The following CDC27 variants were observed in gnomAD, a reference collection of about 807,000 sequenced individuals.
CDC27 encodes cell division cycle protein 27 homolog.
A neutral mutation model predicts 109.7 loss-of-function variants in CDC27; 27 were observed. That is an observed-to-expected ratio of 0.25 (90% CI 0.18 to 0.34). CDC27 has a LOEUF of 0.34. Ranked by LOEUF, CDC27 falls within the 10% of genes least tolerant of loss-of-function variation. CDC27 has a pLI of 1.00. For missense variants in CDC27, 579 were observed against 960.2 expected, an observed-to-expected ratio of 0.60 and a Z score of 5.25; for synonymous variants, 266 against 333.9, an observed-to-expected ratio of 0.80 and a Z score of 2.22.
chr17:47,146,907 TA>T (rs997068447), intron 9 of CDC27, among the ~76,000 whole-genome samples: 1 of 150,012 alleles, frequency 6.7e-6, no homozygotes, highest in Non-Finnish European at 1.5e-5. Flanking sequence ...TCTGCAAAAC[TA>T]AAAAAAAATT....
rs749015475 is a variant in CDC27, at chr17:47,137,355, C to G, written c.1710G>C (p.Trp570Cys). The change falls in exon 14 of 19, where the codon TGG (tryptophan) becomes TGC (cysteine). Residue 570 changes from tryptophan (W) to cysteine (C), a missense_variant. Physicochemically the swap from Trp to Cys is radical, Grantham distance 215. Coordinates refer to ENST00000066544, the MANE Select transcript of CDC27 (RefSeq NM_001256.6). ...GACTGAAACAGTTCCCTGCAGCACA[C>G]CAGGCCTTAAAAAAATGGGAACAAA... Reference protein sequence around the residue: ...TDMDKNSPEAWCAAGNCFSLQ... With the variant: ...TDMDKNSPEACCAAGNCFSLQ... The G allele has an allele frequency of 6.4e-7, 1 of 1,550,890 alleles. No individual in the cohort carries two copies. The highest frequency in any genetic ancestry group is 8.7e-7 in the Non-Finnish European group (1 of 1,152,710).
chr17:47,132,780 A>AT, intron 14 of CDC27, among the ~76,000 whole-genome samples: 2 of 126,648 alleles, frequency 1.6e-5, no homozygotes, highest in African/African-American at 2.9e-5. Context: ...TATTATTATT[A>AT]TATTTTAAAG....
intron 2 of CDC27, among the ~76,000 whole-genome samples, chr17:47,180,953 A>C (rs1403799941): frequency 2.0e-5 from 3 of 149,474 alleles, no homozygotes; most frequent in African/African-American, 7.3e-5. Flanking sequence ...CTTAAAAAAA[A>C]AAAAAAAAAA....
At chr17:47,169,760 A>G (rs2063758078) in intron 4 of CDC27, 157 bp downstream of exon 4, 3 of 456,520 alleles carry the variant, frequency 6.6e-6, no homozygotes, top group Admixed American at 8.8e-5. Context: ...TCAAACTTAG[A>G]TTAGCATCTC....
At chr17:47,147,377 C>T (rs1190397917) in intron 9 of CDC27, among the ~76,000 whole-genome samples, 7 of 149,124 alleles carry the variant, frequency 4.7e-5, no homozygotes, top group East Asian at 2.0e-4. Flanking sequence ...CCAGCCTGGG[C>T]GACAGAGCGA....
At chr17:47,180,516 T>C (rs546975079) in intron 2 of CDC27, among the ~76,000 whole-genome samples, 1 of 151,994 alleles carries the variant, frequency 6.6e-6, no homozygotes, top group Non-Finnish European at 1.5e-5. Context: ...GCCCCTGAGG[T>C]TTAGGCCTTG....
At position 47,129,835 on chromosome 17, in the gene CDC27, T is replaced by C. The variant is rs1052904898; in HGVS notation, c.2032-314A>G. ...ACATACCTATGATGATAATCAATAGTCTATCTTTAGAGCAGATATTTGGTT... is the reference window on the plus strand; with the variant it reads ...ACATACCTATGATGATAATCAATAGCCTATCTTTAGAGCAGATATTTGGTT... On this transcript the variant is annotated intron_variant, in intron 15 of 18. Transcript: ENST00000066544. 3.3e-5 allele frequency among the ~76,000 whole-genome samples: 5 copies of C among 152,206 alleles called. No individual in the cohort carries two copies. The East Asian group carries it at 7.7e-4, about 23-fold the overall frequency.
At chr17:47,124,286 T>TCTATCTA (rs60087127) in intron 16 of CDC27, among the ~76,000 whole-genome samples, 3 of 151,552 alleles carry the variant, frequency 2.0e-5, no homozygotes, top group Non-Finnish European at 2.9e-5. Flanking sequence ...TATCTATCTA[T>TCTATCTA]TCATTTTTAT....
intron 4 of CDC27, among the ~76,000 whole-genome samples, chr17:47,168,277 C>G (rs2063709758): frequency 1.3e-5 from 2 of 152,162 alleles, no homozygotes; most frequent in Non-Finnish European, 2.9e-5. Context: ...CTAATCCTGC[C>G]TTGGTCTTTT....
chr17:47,186,266 AAT>A (rs1350050509), intron 1 of CDC27, among the ~76,000 whole-genome samples: 1 of 152,222 alleles, frequency 6.6e-6, no homozygotes, highest in Non-Finnish European at 1.5e-5. Context: ...GAGTAGCCAA[AAT>A]ATGTTACTCT....
chr17:47,135,528 T>C (rs910524012), intron 14 of CDC27, among the ~76,000 whole-genome samples: 33 of 152,136 alleles, frequency 2.2e-4, no homozygotes, highest in African/African-American at 7.5e-4. Flanking sequence ...TCATTATACT[T>C]GTGTTATAGA....
chr17:47,133,062 T>TCTATAC (rs2062427338), intron 14 of CDC27, among the ~76,000 whole-genome samples: 3 of 73,724 alleles, frequency 4.1e-5, no homozygotes, highest in African/African-American at 5.8e-5. Context: ...CACATACATA[T>TCTATAC]ACACACACAC....
Position 47,134,979 on chromosome 17 carries a change from A to G in CDC27, c.1913+2173T>C, listed in dbSNP as rs182073580. On this transcript the variant is annotated intron_variant, in intron 14 of 18. Coordinates refer to ENST00000066544, the MANE Select transcript of CDC27 (RefSeq NM_001256.6). ...GAGTAGTTATTACATGTGTGCCAAGACCATTGCTAAATTATCTCATTTAAT... is the reference window on the plus strand; with the variant it reads ...GAGTAGTTATTACATGTGTGCCAAGGCCATTGCTAAATTATCTCATTTAAT... Among the ~76,000 whole-genome samples, 191 of 151,856 alleles carry G rather than the reference A, an allele frequency of 1.3e-3. 1 individual carries two copies. The highest frequency in any genetic ancestry group is 4.5e-3 in the African/African-American group (188 of 41,458).
intron 3 of CDC27, among the ~76,000 whole-genome samples, chr17:47,171,411 A>G (rs2063808676): frequency 6.6e-6 from 1 of 152,190 alleles, no homozygotes. Context: ...CCATTATTCC[A>G]TCTCTTACAG....
In CDC27 at chr17:47,137,265, G is replaced by A. The variant is rs11570544; in HGVS notation, c.1800C>T (p.Tyr600=). The A allele has an allele frequency of 0.022, 36,115 of 1,610,580 alleles. 494 individuals carry two copies. Among genetic ancestry groups the A allele is most frequent in the Middle Eastern group, 0.093 (552 of 5,916 alleles). Residue 600 remains tyrosine, a synonymous_variant, in exon 14 of 19, where the codon TAC becomes TAT. Transcript: ENST00000066544. ...FQRAIQVDPN[Y]AYAYTLLGHE... ...GCCCTAATAGAGTATAGGCATAAGCGTAATTTGGATCAACTTGGATAGCTC... is the reference window on the plus strand; with the variant it reads ...GCCCTAATAGAGTATAGGCATAAGCATAATTTGGATCAACTTGGATAGCTC...
intron 1 of CDC27, among the ~76,000 whole-genome samples, chr17:47,184,529 T>G (rs1473552392): frequency 6.6e-6 from 1 of 151,984 alleles, no homozygotes. Flanking sequence ...CCTTTTAAAA[T>G]TAAAGAAATA....
At chr17:47,180,945 T>TAAAAAA (rs34061862) in intron 2 of CDC27, among the ~76,000 whole-genome samples, 25 of 111,632 alleles carry the variant, frequency 2.2e-4, no homozygotes, top group African/African-American at 3.5e-4. Flanking sequence ...ACTCTTTTCT[T>TAAAAAA]AAAAAAAAAA....
In CDC27 at chr17:47,141,493, T is replaced by A. The variant is rs74641214; in HGVS notation, c.1551+360A>T. 9.1e-3 allele frequency among the ~76,000 whole-genome samples: 1,390 copies of A among 152,246 alleles called. 56 individuals are homozygous for A. Among genetic ancestry groups the A allele is most frequent in the Admixed American group, 0.067 (1,027 of 15,294 alleles). On this transcript the variant is annotated intron_variant, in intron 12 of 18. Coordinates refer to ENST00000066544, the MANE Select transcript of CDC27 (RefSeq NM_001256.6). The stretch of plus-strand genomic sequence containing the variant: ...CTTCAAGCTTATAAAACATATTCGA[T>A]GTCAAAAATTCACCCCAGTAATTAA...
At chr17:47,166,448 G>A (rs1235483503) in intron 4 of CDC27, among the ~76,000 whole-genome samples, 2 of 152,142 alleles carry the variant, frequency 1.3e-5, no homozygotes, top group African/African-American at 4.8e-5. Context: ...AGGGTAGGTA[G>A]TGATATTCCT....
Sources: allele counts gnomAD v4.1 joint callset (sites outside exome capture counted in the v4.1 genomes callset), GRCh38; gene constraint gnomAD v4.1.1; transcripts MANE v1.5; gene names NCBI Gene and HGNC (gene_info 2026-07-23, HGNC 2026-07-21).